NR1H4: variants seen among roughly 807,000 people sequenced by gnomAD.
NR1H4 encodes bile acid receptor.
In NR1H4, 23 loss-of-function variants were observed where a neutral mutation model predicts 58.5. The ratio of observed to expected loss-of-function variants is 0.39; its 90% CI spans 0.28 to 0.56. The LOEUF (loss-of-function observed/expected upper bound fraction) is 0.56. Ranked by LOEUF, NR1H4 falls within the 20% of genes least tolerant of loss-of-function variation. NR1H4 has a pLI of 0.58. For synonymous variants in NR1H4, 214 were observed against 198.0 expected, an observed-to-expected ratio of 1.08 and a Z score of -0.68; for missense variants, 487 against 576.9, an observed-to-expected ratio of 0.84 and a Z score of 1.60.
At chr12:100,518,218 A>C (rs1954316493) in intron 4 of NR1H4, among the ~76,000 whole-genome samples, 1 of 152,222 alleles carries the variant, frequency 6.6e-6, no homozygotes, top group South Asian at 2.1e-4. Context: ...GAGTGAGACC[A>C]GTGGGCCAAG....
intron 8 of NR1H4, 77 bp downstream of exon 8, chr12:100,537,124 A>G: frequency 1.1e-6 from 1 of 908,526 alleles, no homozygotes; most frequent in Non-Finnish European, 1.8e-6. Flanking sequence ...CCTATTTTAC[A>G]TACGGTGTTT....
intron 1 of NR1H4, among the ~76,000 whole-genome samples, chr12:100,480,721 C>A (rs1248979929): frequency 6.6e-6 from 1 of 152,184 alleles, no homozygotes; most frequent in East Asian, 1.9e-4. Context: ...AACAACCATC[C>A]CAAAGCTTAG....
At chr12:100,485,657 C>CA (rs1384646793) in intron 1 of NR1H4, among the ~76,000 whole-genome samples, 1 of 151,924 alleles carries the variant, frequency 6.6e-6, no homozygotes, top group Non-Finnish European at 1.5e-5. Flanking sequence ...CTCAGCCTCC[C>CA]GAGTAGCTGG....
chr12:100,537,666 T>A (rs1432026082), intron 8 of NR1H4, among the ~76,000 whole-genome samples: 1 of 152,238 alleles, frequency 6.6e-6, no homozygotes, highest in African/African-American at 2.4e-5. Context: ...CCAGTTGGCA[T>A]GGAGAAGCAG....
intron 9 of NR1H4, among the ~76,000 whole-genome samples, chr12:100,551,514 C>A (rs975634340): frequency 1.3e-5 from 2 of 152,198 alleles, no homozygotes; most frequent in African/African-American, 4.8e-5. Context: ...ATTTAGAAAT[C>A]TTAACACCTC....
At chr12:100,557,533 A>C (rs933693916) in intron 9 of NR1H4, among the ~76,000 whole-genome samples, 2 of 152,200 alleles carry the variant, frequency 1.3e-5, no homozygotes, top group African/African-American at 4.8e-5. Context: ...ACTTCTGGTG[A>C]ACGCATCCCT....
intron 9 of NR1H4, among the ~76,000 whole-genome samples, chr12:100,553,006 CT>C (rs931109396): frequency 9.4e-5 from 14 of 148,652 alleles, no homozygotes; most frequent in Admixed American, 1.3e-4. Flanking sequence ...TCCCACTCTT[CT>C]TTTTTTTTTG....
chr12:100,519,429 T>A (rs915373119), intron 4 of NR1H4, among the ~76,000 whole-genome samples: 2 of 151,580 alleles, frequency 1.3e-5, no homozygotes, highest in Non-Finnish European at 2.9e-5. Flanking sequence ...TCTGTTGGAG[T>A]GCTGTTGTAT....
chr12:100,516,627 A>G (rs937086467), intron 4 of NR1H4, among the ~76,000 whole-genome samples: 2 of 152,030 alleles, frequency 1.3e-5, no homozygotes, highest in African/African-American at 2.4e-5. Context: ...CGGCCTCCCA[A>G]AGTTCTGGGA....
At chr12:100,513,509 A>C (rs1954176556) in intron 4 of NR1H4, among the ~76,000 whole-genome samples, 2 of 152,140 alleles carry the variant, frequency 1.3e-5, no homozygotes, top group Non-Finnish European at 2.9e-5. Context: ...GAAAAATAAA[A>C]TAGGCCGGAC....
chr12:100,482,285 ATTTC>A (rs1953398784), intron 1 of NR1H4, among the ~76,000 whole-genome samples: 1 of 151,826 alleles, frequency 6.6e-6, no homozygotes, highest in Admixed American at 6.6e-5. Context: ...TAGTTGTTAG[ATTTC>A]TTTATGTGAC....
At chr12:100,531,104 A>G (rs1954681053) in intron 4 of NR1H4, among the ~76,000 whole-genome samples, 1 of 152,196 alleles carries the variant, frequency 6.6e-6, no homozygotes, top group African/African-American at 2.4e-5. Flanking sequence ...AGATTCCTAG[A>G]TGTTGAAGGA....
intron 3 of NR1H4, among the ~76,000 whole-genome samples, chr12:100,501,118 A>G (rs893840940): frequency 2.9e-4 from 44 of 151,906 alleles, no homozygotes; most frequent in African/African-American, 1.0e-3. Flanking sequence ...TCAGCTAAAT[A>G]ATCCTGCTCA....
rs199737778 is a variant in NR1H4, at chr12:100,557,404, CA to C, written c.1079-4478del. Among the ~76,000 whole-genome samples, 721 of 152,338 alleles carry C rather than the reference CA, an allele frequency of 4.7e-3. 9 individuals carry two copies. Among genetic ancestry groups the C allele is most frequent in the African/African-American group, 0.016 (671 of 41,578 alleles). ...TCATGAGGGGTCTACCCCAATGACC[CA>C]AACACCTTCCACCAGGCCCCATCTC... On this transcript the variant is annotated intron_variant, in intron 9 of 10. Transcript: ENST00000392986.
At chr12:100,555,777 C>T (rs1444861721) in intron 9 of NR1H4, among the ~76,000 whole-genome samples, 3 of 152,184 alleles carry the variant, frequency 2.0e-5, no homozygotes, top group South Asian at 4.1e-4. Flanking sequence ...AAGACCAAGT[C>T]GTGGAGTTTG....
rs566577670 is a variant in NR1H4 at position 100,560,977 on chromosome 12, G to A, written c.1079-908G>A. Among the ~76,000 whole-genome samples, 8 of 152,232 alleles carry A rather than the reference G, an allele frequency of 5.3e-5. No homozygotes were observed. The East Asian group carries it at 5.8e-4, about 11-fold the overall frequency. On this transcript the variant is annotated intron_variant, in intron 9 of 10. Transcript: ENST00000392986. ...AGGAAAGAAGTGGATTTGGAGAAAC[G>A]TGGGGGAGCTTAGTTCTGTGGTGTC...
intron 4 of NR1H4, among the ~76,000 whole-genome samples, chr12:100,520,590 G>A (rs890474808): frequency 2.6e-5 from 4 of 152,120 alleles, no homozygotes; most frequent in Non-Finnish European, 5.9e-5. Context: ...CTCCAGAGAC[G>A]GGGCTTGCCT....
intron 3 of NR1H4, among the ~76,000 whole-genome samples, chr12:100,501,970 CA>C (rs1487104263): frequency 2.6e-5 from 4 of 152,092 alleles, no homozygotes; most frequent in African/African-American, 4.8e-5. Context: ...GCTTGATGTA[CA>C]AAAGTTATGC....
rs1441036578 is a variant in NR1H4 at position 100,493,345 on chromosome 12, A to T, written c.22A>T (p.Ile8Phe). Residue 8 changes from isoleucine (I) to phenylalanine (F), a missense_variant, in exon 3 of 11, where the codon ATT (isoleucine) becomes TTT (phenylalanine). Physicochemically the swap from Ile to Phe is conservative, Grantham distance 21 (BLOSUM62 0). Transcript: ENST00000392986. ...TTGGATGGGATCAAAAATGAATCTC[A>T]TTGAACATTCCCATTTACCTACCAC... MGSKMNLIEHSHLPTTDE... is the reference protein window; with the variant it reads MGSKMNLFEHSHLPTTDE... 3 of 1,574,454 alleles carry T rather than the reference A, an allele frequency of 1.9e-6. No individual in the cohort carries two copies.
Sources: allele counts gnomAD v4.1 joint callset (sites outside exome capture counted in the v4.1 genomes callset), GRCh38; gene constraint gnomAD v4.1.1; transcripts MANE v1.5; gene names NCBI Gene and HGNC (gene_info 2026-07-23, HGNC 2026-07-21).